Variants in GPC5 observed in about 807,000 individuals in gnomAD.
GPC5 encodes glypican 5.
In GPC5, 47 loss-of-function variants were observed where a neutral mutation model predicts 53.9. That is an observed-to-expected ratio of 0.87 (90% CI 0.69 to 1.11). The LOEUF (loss-of-function observed/expected upper bound fraction) is 1.11, where lower values mean the gene tolerates loss of function less well. Among genes scored for constraint, GPC5 ranks in the 50% most tolerant of loss-of-function variants. The probability of loss-of-function intolerance (pLI) is 0.00; values close to 1 mark genes in which losing one functional copy is unlikely to be tolerated. For missense variants in GPC5, 748 were observed against 713.1 expected, an observed-to-expected ratio of 1.05 and a Z score of -0.56; for synonymous variants, 286 against 263.3, an observed-to-expected ratio of 1.09 and a Z score of -0.84.
Position 92,116,493 on chromosome 13 carries a change from G to A in GPC5, c.1402-28337G>A, listed in dbSNP as rs1053090559. On this transcript the variant is annotated intron_variant, in intron 6 of 7. Coordinates refer to ENST00000377067, the MANE Select transcript of GPC5 (RefSeq NM_004466.6). ...GGCAGCCATAGCAAACTAATATACC[G>A]TGTTTGTTTATTAATAAAAGCTGCT... Among the ~76,000 whole-genome samples the A allele has an allele frequency of 5.9e-5, 9 of 152,172 alleles. No homozygotes were observed. The East Asian group carries it at 7.7e-4, about 13-fold the overall frequency.
chr13:91,449,268 T>C (rs543522690), intron 2 of GPC5, among the ~76,000 whole-genome samples: 41 of 152,304 alleles, frequency 2.7e-4, no homozygotes, highest in African/African-American at 9.6e-4. Context: ...AAAAGTTCTA[T>C]AACATAAAAT....
In GPC5 at chr13:92,159,349, A is replaced by G. The variant is rs530403018; in HGVS notation, c.1561+14360A>G. 3.3e-5 allele frequency among the ~76,000 whole-genome samples: 5 copies of G among 152,244 alleles called. No homozygotes were observed. In the South Asian group the frequency reaches 1.0e-3, roughly 32 times the overall value. ...CAGCCTCCAGACATGTTTAGCTCTT[A>G]TATTAGCAGCTAGGATAAACCCGTT... is the stretch of plus-strand genomic sequence containing the variant. On this transcript the variant is annotated intron_variant, in intron 7 of 7. Transcript: ENST00000377067.
At chr13:91,799,485 A>G (rs1331989603) in intron 5 of GPC5, among the ~76,000 whole-genome samples, 2 of 152,204 alleles carry the variant, frequency 1.3e-5, no homozygotes, top group Non-Finnish European at 2.9e-5. Context: ...ATTCTAAAAT[A>G]AAACTTGAGA....
chr13:92,064,874 T>C (rs925690485), intron 6 of GPC5, among the ~76,000 whole-genome samples: 6 of 150,958 alleles, frequency 4.0e-5, no homozygotes, highest in African/African-American at 1.5e-4. Context: ...CCTAGAGGAG[T>C]GTTTCTTCAA....
intron 7 of GPC5, among the ~76,000 whole-genome samples, chr13:92,703,702 T>C (rs1016407241): frequency 1.3e-5 from 2 of 151,352 alleles, no homozygotes; most frequent in Middle Eastern, 3.4e-3. Context: ...ATTTTAGATA[T>C]ATTTTATTCA....
At chr13:92,367,861 G>A (rs2043618314) in intron 7 of GPC5, among the ~76,000 whole-genome samples, 1 of 152,152 alleles carries the variant, frequency 6.6e-6, no homozygotes, top group African/African-American at 2.4e-5. Flanking sequence ...CTGGAAATGA[G>A]GACGGTGCAG....
chr13:91,773,286 T>C (rs1331776099), intron 5 of GPC5, among the ~76,000 whole-genome samples: 1 of 152,158 alleles, frequency 6.6e-6, no homozygotes, highest in African/African-American at 2.4e-5. Context: ...GTACAGCGTT[T>C]TAAAAATCAC....
intron 5 of GPC5, among the ~76,000 whole-genome samples, chr13:91,811,830 A>C (rs2038316441): frequency 6.6e-6 from 1 of 152,176 alleles, no homozygotes; most frequent in Non-Finnish European, 1.5e-5. Flanking sequence ...TCTGGTATGA[A>C]TCTGTAGCTT....
At chr13:91,952,189 C>G (rs7986363) in intron 6 of GPC5, among the ~76,000 whole-genome samples, 89 of 119,408 alleles carry the variant, frequency 7.5e-4, no homozygotes, top group South Asian at 1.5e-3. Context: ...CTCTCTCTCT[C>G]TGTGTGTGTG....
intron 7 of GPC5, among the ~76,000 whole-genome samples, chr13:92,801,470 G>A (rs1298918171): frequency 6.6e-6 from 1 of 151,680 alleles, no homozygotes; most frequent in Non-Finnish European, 1.5e-5. Context: ...CATAATATTT[G>A]ATAATAATAA....
intron 5 of GPC5, among the ~76,000 whole-genome samples, chr13:91,786,488 G>A (rs1328036234): frequency 6.6e-6 from 1 of 151,944 alleles, no homozygotes; most frequent in Non-Finnish European, 1.5e-5. Flanking sequence ...TTAAAAAGGG[G>A]TTGTTTTCAT....
At chr13:91,568,279 T>C (rs1169267560) in intron 2 of GPC5, among the ~76,000 whole-genome samples, 1 of 152,210 alleles carries the variant, frequency 6.6e-6, no homozygotes, top group East Asian at 1.9e-4. Context: ...CATGGGAATT[T>C]ATTAGAAATG....
chr13:92,190,917 CAG>C (rs2139047528), intron 7 of GPC5, among the ~76,000 whole-genome samples: 1 of 152,064 alleles, frequency 6.6e-6, no homozygotes, highest in Non-Finnish European at 1.5e-5. Flanking sequence ...AATTAAAAGA[CAG>C]AGATTGTAAG....
chr13:92,840,939 C>T (rs1202311713), intron 7 of GPC5, among the ~76,000 whole-genome samples: 1 of 151,962 alleles, frequency 6.6e-6, no homozygotes, highest in African/African-American at 2.4e-5. Context: ...ACTGATTTTC[C>T]TAAGCTGATT....
At chr13:91,492,533 G>C (rs964725291) in intron 2 of GPC5, among the ~76,000 whole-genome samples, 1 of 152,180 alleles carries the variant, frequency 6.6e-6, no homozygotes, top group African/African-American at 2.4e-5. Context: ...CAGAGAGACT[G>C]AGTTCGCCTT....
chr13:92,807,978 A>G (rs1174675559), intron 7 of GPC5, among the ~76,000 whole-genome samples: 1 of 152,100 alleles, frequency 6.6e-6, no homozygotes, highest in Admixed American at 6.6e-5. Flanking sequence ...TATTAAAATT[A>G]TTGATCATTT....
chr13:91,407,306 A>G (rs1474848459), intron 1 of GPC5, among the ~76,000 whole-genome samples: 1 of 152,230 alleles, frequency 6.6e-6, no homozygotes, highest in African/African-American at 2.4e-5. Context: ...AGGACTTTTT[A>G]TCTGCTATCT....
chr13:92,183,951 T>C (rs2042165332), intron 7 of GPC5, among the ~76,000 whole-genome samples: 3 of 152,066 alleles, frequency 2.0e-5, no homozygotes, highest in Non-Finnish European at 2.9e-5. Context: ...CAACCACTGA[T>C]ACTATTAATT....
chr13:92,038,375 GATAGAT>G (rs1566406886), intron 6 of GPC5, among the ~76,000 whole-genome samples: 1 of 137,390 alleles, frequency 7.3e-6, no homozygotes, highest in African/African-American at 2.8e-5. Flanking sequence ...TAGATAGATA[GATAGAT>G]AGGTAGATAG....
Sources: allele counts gnomAD v4.1 joint callset (sites outside exome capture counted in the v4.1 genomes callset), GRCh38; gene constraint gnomAD v4.1.1; transcripts MANE v1.5; gene names NCBI Gene and HGNC (gene_info 2026-07-23, HGNC 2026-07-21).